TNIK: variants seen among roughly 807,000 people sequenced by gnomAD.
TNIK encodes TRAF2 and NCK interacting kinase, also known as TRAF2 and NCK-interacting protein kinase.
A neutral mutation model predicts 191.3 loss-of-function variants in TNIK; 49 were observed. That is an observed-to-expected ratio of 0.26 (90% confidence interval 0.20 to 0.32). TNIK has a LOEUF of 0.32. Ranked by LOEUF, TNIK falls within the 10% of genes least tolerant of loss-of-function variation. The probability of loss-of-function intolerance (pLI) is 1.00; values close to 1 mark genes in which losing one functional copy is unlikely to be tolerated. For synonymous variants in TNIK, 594 were observed against 600.9 expected (o/e 0.99, Z 0.17); for missense variants, 1,155 against 1,702.3 (o/e 0.68, Z 5.66).
Position 171,094,037 on chromosome 3 carries a change from A to G in TNIK, c.2592-69T>C, listed in dbSNP as rs944325002. The G allele has an allele frequency of 2.6e-6, 4 of 1,543,630 alleles. No individual in the cohort carries two copies. In the African/African-American group the frequency reaches 5.6e-5, roughly 21 times the overall value. On this transcript the variant is annotated intron_variant, in intron 22 of 32. Coordinates refer to ENST00000436636, the MANE Select transcript of TNIK (RefSeq NM_015028.4). ...AAATATCTGTTTCCTGTCCATATTC[A>G]TTATTTTTGTTATGGTAAAATATAC... is the stretch of plus-strand genomic sequence containing the variant.
chr3:171,231,971 A>G (rs544584856), intron 2 of TNIK, among the ~76,000 whole-genome samples: 1 of 152,152 alleles, frequency 6.6e-6, no homozygotes, highest in Non-Finnish European at 1.5e-5. Context: ...CAAACTTTTA[A>G]TATTTTACTT....
intron 28 of TNIK, among the ~76,000 whole-genome samples, chr3:171,076,211 A>C (rs1359435255): frequency 1.3e-5 from 2 of 152,032 alleles, no homozygotes; most frequent in Non-Finnish European, 2.9e-5. Flanking sequence ...AGCCAGCCCC[A>C]ACACTTCCTA....
chr3:171,352,770 C>T (rs1434149599), intron 2 of TNIK, among the ~76,000 whole-genome samples: 2 of 152,182 alleles, frequency 1.3e-5, no homozygotes, highest in South Asian at 2.1e-4. Context: ...TCTTAAACTC[C>T]TGTTTATACT....
chr3:171,155,490 T>C (rs1437468149), intron 12 of TNIK, among the ~76,000 whole-genome samples: 1 of 152,220 alleles, frequency 6.6e-6, no homozygotes. Flanking sequence ...CTCATGCCCA[T>C]TGGTACATAC....
chr3:171,284,763 T>C (rs1750841009), intron 2 of TNIK, among the ~76,000 whole-genome samples: 1 of 152,112 alleles, frequency 6.6e-6, no homozygotes, highest in Non-Finnish European at 1.5e-5. Flanking sequence ...GCAATACAAA[T>C]CCTCCACAAA....
At chr3:171,355,322 G>A (rs1260655651) in intron 2 of TNIK, among the ~76,000 whole-genome samples, 1 of 152,126 alleles carries the variant, frequency 6.6e-6, no homozygotes, top group Admixed American at 6.5e-5. Flanking sequence ...TTCTGTGATA[G>A]GTTTCTTGAG....
chr3:171,085,030 C>G (rs1265026447), intron 25 of TNIK, 88 bp downstream of exon 25: 2 of 1,065,978 alleles, frequency 1.9e-6, no homozygotes, highest in Non-Finnish European at 2.7e-6. Flanking sequence ...ATCAGCTTAA[C>G]TACTGAACTG....
intron 6 of TNIK, among the ~76,000 whole-genome samples, chr3:171,190,012 G>A (rs2108830182): frequency 6.6e-6 from 1 of 152,232 alleles, no homozygotes; most frequent in East Asian, 1.9e-4. Context: ...TATGGACAGC[G>A]ATTCTTTTCT....
chr3:171,216,957 A>C (rs910632285), intron 3 of TNIK, among the ~76,000 whole-genome samples: 3 of 152,154 alleles, frequency 2.0e-5, no homozygotes, highest in Admixed American at 6.6e-5. Context: ...GACATTCTGC[A>C]GGCAGCACCT....
chr3:171,376,423 G>C (rs1717222119), intron 1 of TNIK, among the ~76,000 whole-genome samples: 1 of 152,116 alleles, frequency 6.6e-6, no homozygotes, highest in Admixed American at 6.5e-5. Context: ...ATCCCTGACT[G>C]CTACCTGGCA....
At chr3:171,415,998 G>A (rs2017271) in intron 1 of TNIK, among the ~76,000 whole-genome samples, 56,917 of 83,856 alleles carry the variant, frequency 0.68, 20,737 homozygotes, top group African/African-American at 0.76. Context: ...AAAAAAAAAA[G>A]AAAGAAAAAG....
intron 18 of TNIK, among the ~76,000 whole-genome samples, chr3:171,114,277 C>T (rs1355934835): frequency 2.0e-5 from 3 of 152,106 alleles, no homozygotes; most frequent in Non-Finnish European, 4.4e-5. Flanking sequence ...GATTTTAATG[C>T]CGTGAGATAT....
In TNIK at chr3:171,077,071, TC is replaced by T. The variant is rs34196156; in HGVS notation, c.3448+2446del. On this transcript the variant is annotated intron_variant, in intron 28 of 32. Transcript: ENST00000436636. ...ACCATGGTTACATTTCCTTTCTTGTTCCCCCCCCCCTTTTTTTTTATACTTG... is the reference window on the plus strand; with the variant it reads ...ACCATGGTTACATTTCCTTTCTTGTTCCCCCCCCCTTTTTTTTTATACTTG... 1.8e-3 allele frequency among the ~76,000 whole-genome samples: 259 copies of T among 142,916 alleles called. 1 individual carries two copies. The highest frequency in any genetic ancestry group is 2.5e-3 in the African/African-American group (95 of 37,936). 93.8% of individuals were successfully genotyped at this position (142,916 alleles called of 152,430 possible).
At chr3:171,256,279 G>T (rs1366068510) in intron 2 of TNIK, among the ~76,000 whole-genome samples, 1 of 152,124 alleles carries the variant, frequency 6.6e-6, no homozygotes, top group Non-Finnish European at 1.5e-5. Flanking sequence ...CAACAAATGA[G>T]TCTACAATTC....
chr3:171,275,897 AAAATAAAT>A (rs71176599), intron 2 of TNIK, among the ~76,000 whole-genome samples: 2 of 150,046 alleles, frequency 1.3e-5, no homozygotes, highest in Non-Finnish European at 3.0e-5. Context: ...ACTCCGTCTC[AAAATAAAT>A]AAATAAATAA....
chr3:171,110,805 G>A lies in TNIK; in HGVS notation c.2193C>T (p.Ser731=). 6.2e-7 allele frequency: 1 copy of A among 1,604,286 alleles called. No homozygotes were observed. Among genetic ancestry groups the A allele is most frequent in the Non-Finnish European group, 8.5e-7 (1 of 1,175,848 alleles). The change falls in exon 19 of 33, where the codon TCC becomes TCT. Residue 731 remains serine, a synonymous_variant. Transcript: ENST00000436636. ...PLQRTSSGSS[S]SSSTPSSQPS... is the part of the protein sequence containing the mutation. ...GCTGGGAGCTAGGGGTGCTGGAGCT[G>A]GAGGAACTGCCACTGCTGGTCCTCT...
rs1186012189 is a variant in TNIK at position 171,159,233 on chromosome 3, G to A, written c.1017-1569C>T. Reference sequence around the variant, plus strand: ...AGGAGGGAAGGAGCGTTTGGGGATAGAGGTCACGAAGCCTGTGGACAGATC... The same window carrying A: ...AGGAGGGAAGGAGCGTTTGGGGATAAAGGTCACGAAGCCTGTGGACAGATC... On this transcript the variant is annotated intron_variant, in intron 11 of 32. Transcript: ENST00000436636. This position sits in a 1 kb window ranked among gnomAD's most constrained non-coding sequence, Gnocchi z 4.1. Among the ~76,000 whole-genome samples the A allele has an allele frequency of 1.3e-5, 2 of 151,962 alleles. No individual in the cohort carries two copies. Among genetic ancestry groups the A allele is most frequent in the Admixed American group, 1.3e-4 (2 of 15,268 alleles).
At chr3:171,213,313 C>A (rs1008414154) in intron 3 of TNIK, among the ~76,000 whole-genome samples, 2 of 152,060 alleles carry the variant, frequency 1.3e-5, no homozygotes, top group African/African-American at 2.4e-5. Context: ...AGAAAAACGA[C>A]CTGAGGGTTT....
At chr3:171,456,530 A>G (rs1434737075) in intron 1 of TNIK, among the ~76,000 whole-genome samples, 3 of 152,218 alleles carry the variant, frequency 2.0e-5, no homozygotes, top group Non-Finnish European at 2.9e-5. Context: ...AATAACATGT[A>G]TGTTTATACT....
Sources: gnomAD v4.1 joint callset for allele counts (sites outside exome capture counted in the v4.1 genomes callset) on GRCh38, gnomAD v4.1.1 for gene constraint, Gnocchi (gnomAD v3.1) non-coding constraint, MANE v1.5 for transcripts, NCBI Gene and HGNC (gene_info 2026-07-23, HGNC 2026-07-21) for gene names.